Variants in RPTOR observed in about 807,000 individuals in gnomAD.
RPTOR encodes regulatory-associated protein of mTOR.
In RPTOR, 21 loss-of-function variants were observed where a neutral mutation model predicts 169.9. That is an observed-to-expected ratio of 0.12 (90% CI 0.09 to 0.18). The LOEUF (loss-of-function observed/expected upper bound fraction) is 0.18. RPTOR is among the 10% of genes least tolerant of loss of function. The probability of loss-of-function intolerance (pLI) is 1.00; values close to 1 mark genes in which losing one functional copy is unlikely to be tolerated. For synonymous variants in RPTOR, 732 were observed against 753.2 expected, an observed-to-expected ratio of 0.97 and a Z score of 0.46; for missense variants, 1,133 against 1,855.9, an observed-to-expected ratio of 0.61 and a Z score of 7.16.
At chr17:80,592,175 G>T (rs1011471144) in intron 1 of RPTOR, among the ~76,000 whole-genome samples, 3 of 152,180 alleles carry the variant, frequency 2.0e-5, no homozygotes, top group African/African-American at 7.2e-5. Context: ...ATAGAAGGCT[G>T]GTTTGGCTGT....
At chr17:80,742,448 TACACAC>T (rs10558917) in intron 5 of RPTOR, among the ~76,000 whole-genome samples, 1 of 150,826 alleles carries the variant, frequency 6.6e-6, no homozygotes, top group African/African-American at 2.4e-5. Flanking sequence ...GAGGAGCAGG[TACACAC>T]ACACACACAC....
At position 80,604,707 on chromosome 17, in the gene RPTOR, G is replaced by A. The variant is rs193102600; in HGVS notation, c.163-20984G>A. Among the ~76,000 whole-genome samples, 26 of 152,284 alleles carry A rather than the reference G, an allele frequency of 1.7e-4. No individual in the cohort carries two copies. In the South Asian group the frequency reaches 2.5e-3, roughly 15 times the overall value. On this transcript the variant is annotated intron_variant, in intron 1 of 33. Coordinates refer to ENST00000306801, the MANE Select transcript of RPTOR (RefSeq NM_020761.3). ...CAGAAGGTGAATGAGGAGCAAAGTC[G>A]CGTCTCACATGGTGGCAGGCAAGAG...
intron 3 of RPTOR, among the ~76,000 whole-genome samples, chr17:80,655,157 C>G (rs1364858731): frequency 6.6e-6 from 1 of 152,198 alleles, no homozygotes; most frequent in Non-Finnish European, 1.5e-5. Flanking sequence ...ATGATGTTGG[C>G]TCACTGCAGC....
At chr17:80,625,867 C>T in intron 2 of RPTOR, 74 bp downstream of exon 2, 1 of 1,039,546 alleles carries the variant, frequency 9.6e-7, no homozygotes, top group Non-Finnish European at 1.5e-6. Flanking sequence ...CTCGCCAAGC[C>T]TGTGGTCTGG....
chr17:80,685,616 TATATATA>T (rs2065935191), intron 3 of RPTOR, among the ~76,000 whole-genome samples: 1 of 22,880 alleles, frequency 4.4e-5, no homozygotes. Context: ...TATATATATA[TATATATA>T]TATATTTTTT....
chr17:80,932,708 A>G (rs1311976309), intron 24 of RPTOR, among the ~76,000 whole-genome samples: 1 of 152,250 alleles, frequency 6.6e-6, no homozygotes, highest in Non-Finnish European at 1.5e-5. Flanking sequence ...AAAAACAAAC[A>G]GGATTGCAGA....
intron 9 of RPTOR, among the ~76,000 whole-genome samples, chr17:80,825,474 G>A (rs1266411142): frequency 9.3e-6 from 1 of 107,022 alleles, no homozygotes; most frequent in Admixed American, 8.7e-5. Context: ...CTTTATAGAA[G>A]GTCCTTGTCT....
intron 6 of RPTOR, among the ~76,000 whole-genome samples, chr17:80,787,935 C>G (rs1003147075): frequency 2.0e-5 from 3 of 152,044 alleles, no homozygotes; most frequent in Admixed American, 6.6e-5. Context: ...CATTTTAGGA[C>G]GACTACAAAT....
intron 3 of RPTOR, among the ~76,000 whole-genome samples, chr17:80,652,902 C>T (rs1372871399): frequency 6.6e-6 from 1 of 152,176 alleles, no homozygotes; most frequent in African/African-American, 2.4e-5. Context: ...ACATTTGTCA[C>T]TTTCTGTATT....
chr17:80,710,152 T>G (rs1373797690), intron 4 of RPTOR, among the ~76,000 whole-genome samples: 7 of 152,118 alleles, frequency 4.6e-5, no homozygotes, highest in Admixed American at 3.3e-4. Context: ...AAGTTTTGTA[T>G]TTTTGCTAAT....
chr17:80,599,315 C>T (rs1003364069), intron 1 of RPTOR, among the ~76,000 whole-genome samples: 1 of 146,694 alleles, frequency 6.8e-6, no homozygotes, highest in Admixed American at 6.7e-5. Context: ...TTAAGTCTTC[C>T]CAGCTGAGGC....
Position 80,754,070 on chromosome 17 carries a change from A to T in RPTOR, c.715A>T (p.Asn239Tyr). Residue 239 changes from asparagine to tyrosine, a missense_variant, in exon 6 of 34, where the codon AAC becomes TAC. Around this residue, in one of 9 missense-constraint regions of RPTOR, gnomAD observed 289 missense variants for 585.8 expected, o/e 0.49. Coordinates refer to ENST00000306801, the MANE Select transcript of RPTOR (RefSeq NM_020761.3). The surrounding 1 kb of genome is among the most constrained non-coding windows in gnomAD (Gnocchi z 4.2). ...GATGCCTTTGCCTCCGTCGATGAAA[A>T]ACTGCATCCAGCTGGCAGCCTGCGA... ...AQMPLPPSMK[N>Y]CIQLAACEAT... 6.2e-7 allele frequency: 1 copy of T among 1,614,062 alleles called. No homozygotes were observed. Among genetic ancestry groups the T allele is most frequent in the Non-Finnish European group, 8.5e-7 (1 of 1,180,004 alleles).
At chr17:80,812,520 C>T (rs918286954) in intron 7 of RPTOR, among the ~76,000 whole-genome samples, 2 of 152,114 alleles carry the variant, frequency 1.3e-5, no homozygotes, top group Non-Finnish European at 2.9e-5. Flanking sequence ...CAGTGCATCA[C>T]CTCCTGCTGT....
At chr17:80,858,460 G>A (rs1305872755) in intron 13 of RPTOR, among the ~76,000 whole-genome samples, 10 of 152,196 alleles carry the variant, frequency 6.6e-5, no homozygotes, top group African/African-American at 7.2e-5. Context: ...CCATGTGTTC[G>A]CCCCTCAATC....
At chr17:80,909,044 C>G in intron 21 of RPTOR, 115 bp downstream of exon 21, 1 of 721,208 alleles carries the variant, frequency 1.4e-6, no homozygotes, top group Non-Finnish European at 2.5e-6. Flanking sequence ...AGTAACAAAA[C>G]GAGCTTCAGC....
At chr17:80,869,804 A>G (rs1374367238) in intron 13 of RPTOR, among the ~76,000 whole-genome samples, 1 of 152,238 alleles carries the variant, frequency 6.6e-6, no homozygotes, top group African/African-American at 2.4e-5. Flanking sequence ...CACACAGTGC[A>G]GAAAAACACA....
chr17:80,908,954 C>T (rs758301881), intron 21 of RPTOR, 25 bp downstream of exon 21: 19 of 1,513,500 alleles, frequency 1.3e-5, no homozygotes, highest in Admixed American at 1.2e-4. Context: ...CTCCCCACCG[C>T]GCTCCAGCTG....
chr17:80,685,200 C>CACCTCATTCGGAGTCGCCCCTCA (rs1567856245), intron 3 of RPTOR, among the ~76,000 whole-genome samples: 198 of 151,376 alleles, frequency 1.3e-3, no homozygotes, highest in African/African-American at 2.7e-3. Context: ...TTCAGGGTCG[C>CACCTCATTCGGAGTCGCCCCTCA]TTGTTGCGTT....
In RPTOR at chr17:80,791,365, A is replaced by T. The variant is rs952957854; in HGVS notation, c.831-85A>T. 8 of 1,223,818 alleles carry T rather than the reference A, an allele frequency of 6.5e-6. No individual in the cohort carries two copies. The African/African-American group carries it at 1.1e-4, about 16-fold the overall frequency. 75.8% of individuals were successfully genotyped at this position (1,223,818 alleles called of 1,614,324 possible). On this transcript the variant is annotated intron_variant, in intron 6 of 33. Transcript: ENST00000306801. ...CGTGGTAGTCCCTGTCCCCACCTTT[A>T]ACTCTTCCCTTTTTCTGCAGGCCTG...
Sources: allele counts gnomAD v4.1 joint callset (sites outside exome capture counted in the v4.1 genomes callset), GRCh38; gene constraint gnomAD v4.1.1; regional missense constraint gnomAD v4.1.1; non-coding constraint Gnocchi (gnomAD v3.1); transcripts MANE v1.5; gene names NCBI Gene and HGNC (gene_info 2026-07-23, HGNC 2026-07-21).